NCAM1: variants seen among roughly 807,000 people sequenced by gnomAD.
The protein encoded by NCAM1 is antigen recognized by monoclonal antibody 5.1H11.
A neutral mutation model predicts 109.8 loss-of-function variants in NCAM1; 14 were observed. The observed-to-expected ratio is 0.13, with a 90% CI of 0.08 to 0.20. NCAM1 has a LOEUF of 0.20. Ranked by LOEUF, NCAM1 falls within the 10% of genes least tolerant of loss-of-function variation. The pLI, the probability that NCAM1 is intolerant of heterozygous loss-of-function variation, is 1.00. For synonymous variants in NCAM1, 418 were observed against 442.9 expected (o/e 0.94, Z 0.70); for missense variants, 774 against 1,109.9 (o/e 0.70, Z 4.30).
At chr11:113,131,060 G>T (rs536988474) in intron 1 of NCAM1, among the ~76,000 whole-genome samples, 29 of 152,260 alleles carry the variant, frequency 1.9e-4, no homozygotes, top group African/African-American at 6.5e-4. Flanking sequence ...GTTAGTAACG[G>T]CTTGACCTAA....
At chr11:113,212,063 A>AATCTTTTCAGTAGGGTGACCCAGC in intron 7 of NCAM1, among the ~76,000 whole-genome samples, 1 of 152,282 alleles carries the variant, frequency 6.6e-6, no homozygotes, top group East Asian at 1.9e-4. Context: ...AGAGGGAGGG[A>AATCTTTTCAGTAGGGTGACCCAGC]ATCTTTTCAG....
At chr11:113,177,679 CT>C (rs782591387) in intron 1 of NCAM1, among the ~76,000 whole-genome samples, 2 of 152,140 alleles carry the variant, frequency 1.3e-5, no homozygotes, top group Non-Finnish European at 2.9e-5. Flanking sequence ...GTGATCCCCC[CT>C]GGCTCAGCCT....
At chr11:113,165,389 G>A (rs1380693254) in intron 1 of NCAM1, among the ~76,000 whole-genome samples, 1 of 152,106 alleles carries the variant, frequency 6.6e-6, no homozygotes, top group African/African-American at 2.4e-5. Context: ...TCTGGGCTCC[G>A]AGTAGACTCA....
intron 15 of NCAM1, among the ~76,000 whole-genome samples, chr11:113,248,219 G>A (rs1945558210): frequency 8.0e-6 from 1 of 125,222 alleles, no homozygotes; most frequent in Admixed American, 8.9e-5. Flanking sequence ...TAAAAAATGT[G>A]GCCGGTACCA....
chr11:113,252,952 ATAT>A (rs1197329516), intron 15 of NCAM1, among the ~76,000 whole-genome samples: 1 of 151,734 alleles, frequency 6.6e-6, no homozygotes, highest in Non-Finnish European at 1.5e-5. Context: ...TGACCAGCCA[ATAT>A]TATTATTTAA....
intron 1 of NCAM1, among the ~76,000 whole-genome samples, chr11:113,145,077 G>T (rs1941967473): frequency 6.6e-6 from 1 of 152,180 alleles, no homozygotes; most frequent in Admixed American, 6.5e-5. Flanking sequence ...TGGAAAATAA[G>T]AATTCATAAT....
intron 1 of NCAM1, among the ~76,000 whole-genome samples, chr11:112,982,140 A>G (rs1472646177): frequency 1.3e-5 from 2 of 151,950 alleles, no homozygotes; most frequent in Non-Finnish European, 2.9e-5. Flanking sequence ...AAATCTTCAT[A>G]TCCTCTATAG....
At chr11:113,152,151 T>G (rs944898932) in intron 1 of NCAM1, among the ~76,000 whole-genome samples, 2 of 152,232 alleles carry the variant, frequency 1.3e-5, no homozygotes, top group African/African-American at 4.8e-5. Context: ...CATGGGAGCC[T>G]GGGGTGCTGC....
intron 1 of NCAM1, among the ~76,000 whole-genome samples, chr11:113,157,505 T>C (rs1940705): frequency 0.29 from 44,083 of 151,802 alleles, 6,874 homozygotes; most frequent in East Asian, 0.47. Context: ...TTAGGTTATT[T>C]GGAAGTTGTA....
Position 113,221,427 on chromosome 11 carries a change from T to C in NCAM1, c.1089+102T>C, listed in dbSNP as rs1944691018. On this transcript the variant is annotated intron_variant, in intron 9 of 19. Transcript: ENST00000316851. The stretch of plus-strand genomic sequence containing the variant: ...CCAGACATGCTAAACTAATTAGTAA[T>C]TTAGCTAAAGAATAGGTCGATAGTG... 4 of 1,267,160 alleles carry C rather than the reference T, an allele frequency of 3.2e-6. No individual in the cohort carries two copies. In the South Asian group the frequency reaches 5.3e-5, roughly 17 times the overall value. 78.5% of individuals were successfully genotyped at this position (1,267,160 alleles called of 1,614,324 possible).
At chr11:113,134,355 T>C (rs1319441297) in intron 1 of NCAM1, among the ~76,000 whole-genome samples, 1 of 152,208 alleles carries the variant, frequency 6.6e-6, no homozygotes, top group African/African-American at 2.4e-5. Flanking sequence ...TCATTGTAGA[T>C]ATAGACCACA....
chr11:113,061,816 G>C (rs1937658964), intron 1 of NCAM1, among the ~76,000 whole-genome samples: 1 of 152,242 alleles, frequency 6.6e-6, no homozygotes, highest in African/African-American at 2.4e-5. Flanking sequence ...TTGGTGTGCT[G>C]TAGTCTGATT....
At chr11:112,964,129 G>GTTTTTTTTTTTTTT (rs782504184) in intron 1 of NCAM1, among the ~76,000 whole-genome samples, 3 of 123,866 alleles carry the variant, frequency 2.4e-5, no homozygotes, top group Non-Finnish European at 3.4e-5. Flanking sequence ...TATATCTGAG[G>GTTTTTTTTTTTTTT]TTTTTTTTTT....
At chr11:113,222,234 A>G (rs1176575715) in intron 9 of NCAM1, among the ~76,000 whole-genome samples, 2 of 152,260 alleles carry the variant, frequency 1.3e-5, no homozygotes, top group Non-Finnish European at 2.9e-5. Flanking sequence ...CTATAAATGC[A>G]GAACATCATG....
intron 1 of NCAM1, among the ~76,000 whole-genome samples, chr11:113,082,340 T>A (rs1938862257): frequency 6.6e-6 from 1 of 152,222 alleles, no homozygotes; most frequent in African/African-American, 2.4e-5. Flanking sequence ...GACTTGTACG[T>A]GTATCTCCTG....
chr11:113,231,040 C>G (rs1452591603), intron 9 of NCAM1, among the ~76,000 whole-genome samples: 6 of 152,216 alleles, frequency 3.9e-5, no homozygotes, highest in African/African-American at 1.2e-4. Context: ...CCCAGTTACT[C>G]TCACTTCCAG....
At chr11:113,207,443 C>G in intron 6 of NCAM1, 65 bp downstream of exon 6, 1 of 1,324,874 alleles carries the variant, frequency 7.5e-7, no homozygotes, top group Admixed American at 1.8e-5. Flanking sequence ...AAAGTCTGCT[C>G]CATGTTAGTG....
intron 1 of NCAM1, among the ~76,000 whole-genome samples, chr11:113,185,968 C>A (rs995031690): frequency 1.2e-4 from 19 of 152,320 alleles, no homozygotes; most frequent in Admixed American, 2.6e-4. Context: ...TGGTCCAGAG[C>A]CTGCCCCCGC....
chr11:113,108,063 G>A (rs1555092898), intron 1 of NCAM1, among the ~76,000 whole-genome samples: 1 of 152,148 alleles, frequency 6.6e-6, no homozygotes, highest in Non-Finnish European at 1.5e-5. Context: ...AATTGAAGAT[G>A]AATTAAACCA....
Sources: allele counts gnomAD v4.1 joint callset (sites outside exome capture counted in the v4.1 genomes callset), GRCh38; gene constraint gnomAD v4.1.1; transcripts MANE v1.5; gene names NCBI Gene and HGNC (gene_info 2026-07-23, HGNC 2026-07-21).